The following DCTN4 variants were observed in gnomAD, a reference collection of about 807,000 sequenced individuals.
DCTN4 encodes the protein dynactin subunit 4, also known as dynactin 4 (p62).
DCTN4 carries 23 observed loss-of-function variants against 62.7 expected under a neutral mutation model. The observed-to-expected ratio is 0.37, with a 90% CI of 0.26 to 0.52. DCTN4 has a LOEUF of 0.52. DCTN4 is among the 20% of genes least tolerant of loss of function. The probability of loss-of-function intolerance (pLI) is 0.92; values close to 1 mark genes in which losing one functional copy is unlikely to be tolerated. For synonymous variants in DCTN4, 199 were observed against 202.1 expected (o/e 0.98, Z 0.13); for missense variants, 514 against 580.4 (o/e 0.89, Z 1.18).
Position 150,712,622 on chromosome 5 carries a change from C to T in DCTN4, c.1170-1260G>A, listed in dbSNP as rs562015564. Among the ~76,000 whole-genome samples the T allele has an allele frequency of 3.9e-5, 6 of 152,242 alleles. No homozygotes were observed. In the South Asian group the frequency reaches 8.3e-4, roughly 21 times the overall value. ...TGTGGGAAGTTTTAATAACTCAGTGCTTTAAGGGAAATTTTGGAACACCAT... is the reference window on the plus strand; with the variant it reads ...TGTGGGAAGTTTTAATAACTCAGTGTTTTAAGGGAAATTTTGGAACACCAT... On this transcript the variant is annotated intron_variant, in intron 12 of 12. Transcript: ENST00000447998.
At chr5:150,749,744 G>C (rs1028944891) in intron 3 of DCTN4, among the ~76,000 whole-genome samples, 2 of 151,954 alleles carry the variant, frequency 1.3e-5, no homozygotes, top group African/African-American at 4.8e-5. Context: ...TCACTCTTTG[G>C]CACTTAAGAA....
chr5:150,751,699 C>G (rs1752682404), intron 3 of DCTN4, among the ~76,000 whole-genome samples: 1 of 152,034 alleles, frequency 6.6e-6, no homozygotes, highest in South Asian at 2.1e-4. Flanking sequence ...AAATAGCTAC[C>G]CACCAATGAG....
At chr5:150,758,113 C>T (rs1581610812) in intron 1 of DCTN4, 2 of 985,546 alleles carry the variant, frequency 2.0e-6, no homozygotes, top group African/African-American at 1.7e-5. Flanking sequence ...ATGTCTTACT[C>T]GCCTTTTAAT....
intron 12 of DCTN4, among the ~76,000 whole-genome samples, chr5:150,714,260 G>A (rs1759677601): frequency 6.6e-6 from 1 of 152,168 alleles, no homozygotes; most frequent in Non-Finnish European, 1.5e-5. Flanking sequence ...CTCTTTGTCA[G>A]GTTCTGTCAG....
At chr5:150,731,696 T>C (rs761638783) in intron 5 of DCTN4, 14 of 645,140 alleles carry the variant, frequency 2.2e-5, no homozygotes, top group Non-Finnish European at 3.5e-5. Flanking sequence ...AACATGGAGA[T>C]TGAAACTATA....
chr5:150,748,297 G>T (rs1273095460), intron 3 of DCTN4, among the ~76,000 whole-genome samples: 3 of 150,176 alleles, frequency 2.0e-5, no homozygotes, highest in Non-Finnish European at 4.5e-5. Context: ...ACAGGTGCTG[G>T]AGAGGATGTG....
At chr5:150,740,380 T>C (rs1760725343) in intron 4 of DCTN4, among the ~76,000 whole-genome samples, 2 of 151,732 alleles carry the variant, frequency 1.3e-5, no homozygotes. Flanking sequence ...AAGAATGGCC[T>C]TAATTAAAAA....
chr5:150,718,711 G>A (rs17111300), intron 10 of DCTN4, among the ~76,000 whole-genome samples: 1,683 of 152,284 alleles, frequency 0.011, 30 homozygotes, highest in African/African-American at 0.037. Flanking sequence ...CTTAAGGACT[G>A]AAAAGGAGGC....
rs140572803 is a variant in DCTN4 at position 150,721,406 on chromosome 5, T to C, written c.908+1501A>G. Among the ~76,000 whole-genome samples, 110 of 152,320 alleles carry C rather than the reference T, an allele frequency of 7.2e-4. 3 individuals are homozygous for C. In the East Asian group the frequency reaches 0.019, roughly 26 times the overall value. ...TATTGGTGATTTTGTTTCTACAGAATATATCCCTGAAACAGTACTGTTGGG... is the reference window on the plus strand; with the variant it reads ...TATTGGTGATTTTGTTTCTACAGAACATATCCCTGAAACAGTACTGTTGGG... On this transcript the variant is annotated intron_variant, in intron 9 of 12. Transcript: ENST00000447998.
rs1760348544 is a variant in DCTN4 at position 150,731,152 on chromosome 5, T to C, written c.616A>G (p.Lys206Glu). ...SISTLAGLSL[K>E]EGEDQKEIKI... ...ATCTCTTTCTGATCCTCTCCTTCTT[T>C]AAGGCTGAAAAATTAAAAAAACAAA... is the stretch of plus-strand genomic sequence containing the variant. The change falls in exon 7 of 13, where the codon AAA becomes GAA. Residue 206 changes from lysine to glutamate, a missense_variant. By Grantham distance (56) the Lys-to-Glu change is moderately conservative (BLOSUM62 1). Coordinates refer to ENST00000447998, the MANE Select transcript of DCTN4 (RefSeq NM_016221.4). 1.2e-6 allele frequency: 2 copies of C among 1,603,374 alleles called. No homozygotes were observed. Among genetic ancestry groups the C allele is most frequent in the Non-Finnish European group, 1.7e-6 (2 of 1,172,018 alleles).
At chr5:150,732,025 T>C in intron 5 of DCTN4, 1 of 868,390 alleles carries the variant, frequency 1.2e-6, no homozygotes, top group Non-Finnish European at 1.9e-6. Context: ...ATTCATTTAA[T>C]TCAAATTCTA....
At chr5:150,746,139 T>C (rs920197379) in intron 3 of DCTN4, among the ~76,000 whole-genome samples, 1 of 150,046 alleles carries the variant, frequency 6.7e-6, no homozygotes, top group Non-Finnish European at 1.5e-5. Context: ...AAATACAAAC[T>C]ACCATCAGAG....
At chr5:150,749,404 T>C (rs1437319253) in intron 3 of DCTN4, among the ~76,000 whole-genome samples, 5 of 152,196 alleles carry the variant, frequency 3.3e-5, no homozygotes, top group Non-Finnish European at 7.3e-5. Context: ...AGTACTGCTG[T>C]ACATGTGCTA....
At chr5:150,715,528 C>T in intron 12 of DCTN4, 37 bp downstream of exon 12, 2 of 1,532,988 alleles carry the variant, frequency 1.3e-6, no homozygotes, top group South Asian at 1.1e-5. Context: ...CTATTATCAG[C>T]CATTTGTTGT....
At chr5:150,731,360 G>T in intron 6 of DCTN4, 56 bp downstream of exon 6, 2 of 1,386,632 alleles carry the variant, frequency 1.4e-6, no homozygotes, top group South Asian at 1.2e-5. Context: ...TCATTTATTT[G>T]ATATTCATTT....
Position 150,755,548 on chromosome 5 carries a change from G to A in DCTN4, c.206+869C>T, listed in dbSNP as rs188376889. 3.8e-3 allele frequency: 1,746 copies of A among 456,126 alleles called. 9 individuals are homozygous for A. The highest frequency in any genetic ancestry group is 5.5e-3 in the Non-Finnish European group (1,238 of 226,916). The allele number at this position is 456,126 out of a possible 1,614,324, so 28.3% of individuals were successfully genotyped here. ...CACTTTACCTCTGTGGTTCTCCTCC[G>A]CAAAATACATTCCCCTAGTCTGATG... On this transcript the variant is annotated intron_variant, in intron 2 of 12. Transcript: ENST00000447998.
At chr5:150,729,755 G>A (rs1318856031) in intron 8 of DCTN4, among the ~76,000 whole-genome samples, 1 of 151,932 alleles carries the variant, frequency 6.6e-6, no homozygotes, top group African/African-American at 2.4e-5. Context: ...CAGAGTAGCT[G>A]GGACTACAAG....
chr5:150,727,894 T>C (rs1159112833), intron 8 of DCTN4, among the ~76,000 whole-genome samples: 1 of 152,134 alleles, frequency 6.6e-6, no homozygotes, highest in East Asian at 1.9e-4. Context: ...TTTTAAAATA[T>C]TGATATTTGA....
intron 11 of DCTN4, 37 bp from the exon 12 acceptor site, chr5:150,715,699 A>T: frequency 6.5e-7 from 1 of 1,544,534 alleles, no homozygotes; most frequent in Non-Finnish European, 8.9e-7. Context: ...CTGAGAAGGG[A>T]CCAGTGTGAC....
Sources: gnomAD v4.1 joint callset for allele counts (sites outside exome capture counted in the v4.1 genomes callset) on GRCh38, gnomAD v4.1.1 for gene constraint, MANE v1.5 for transcripts, NCBI Gene and HGNC (gene_info 2026-07-23, HGNC 2026-07-21) for gene names.